Variants in IL27RA observed in about 807,000 individuals in gnomAD.
The protein encoded by IL27RA is interleukin 27 receptor subunit alpha.
IL27RA carries 61 observed loss-of-function variants against 80.8 expected under a neutral mutation model. The ratio of observed to expected loss-of-function variants is 0.76; its 90% CI spans 0.61 to 0.93. The LOEUF (loss-of-function observed/expected upper bound fraction) is 0.93, where lower values mean the gene tolerates loss of function less well. Ranked by LOEUF, IL27RA falls within the 40% of genes least tolerant of loss-of-function variation. IL27RA has a pLI of 0.00. For missense variants in IL27RA, 735 were observed against 808.1 expected, an observed-to-expected ratio of 0.91 and a Z score of 1.10; for synonymous variants, 316 against 332.5, an observed-to-expected ratio of 0.95 and a Z score of 0.54.
chr19:14,051,849 TCTGCTGCC>T, intron 12 of IL27RA, 23 bp from the exon 13 acceptor site: 1 of 1,540,568 alleles, frequency 6.5e-7, no homozygotes, highest in Non-Finnish European at 8.9e-7. Flanking sequence ...GCCATCTGGA[TCTGCTGCC>T]CTGACTACTC....
intron 1 of IL27RA, 139 bp from the exon 2 acceptor site, chr19:14,032,247 T>A: frequency 1.3e-6 from 1 of 741,684 alleles, no homozygotes; most frequent in East Asian, 2.5e-5. Context: ...CGGGCAGGGG[T>A]GCCTAGCGCC....
Position 14,046,560 on chromosome 19 carries a change from C to G in IL27RA, c.1083C>G (p.Pro361=), listed in dbSNP as rs767572269. The G allele has an allele frequency of 3.7e-6, 6 of 1,613,668 alleles. No individual in the cohort carries two copies. The South Asian group carries it at 6.6e-5, about 18-fold the overall frequency. The change falls in exon 8 of 14, where the codon CCC becomes CCG. Residue 361 remains proline, a synonymous_variant. Coordinates refer to ENST00000263379, the MANE Select transcript of IL27RA (RefSeq NM_004843.4). ...HVVDWARDGD[P]LEKLNWVRLP... ...TGGACTGGGCTCGAGATGGGGACCC[C>G]CTGGAGAAACTCAACTGGGTCCGGC...
intron 10 of IL27RA, among the ~76,000 whole-genome samples, chr19:14,049,594 T>C (rs1976128048): frequency 6.6e-6 from 1 of 151,700 alleles, no homozygotes; most frequent in Admixed American, 6.6e-5. Flanking sequence ...TTTTTTTTTT[T>C]TTTTTTGAGA....
At position 14,052,297 on chromosome 19, in the gene IL27RA, C is replaced by CA. The variant is rs780830122; in HGVS notation, c.*7_*8insA. On this transcript the variant is annotated 3_prime_UTR_variant, in exon 14 of 14. Coordinates refer to ENST00000263379, the MANE Select transcript of IL27RA (RefSeq NM_004843.4). ...GCCACAGGTTCTGGCCTGAACCACA[C>CA]GTCTGGCTGGGGGCTGCCAGCCAGG... The CA allele has an allele frequency of 6.8e-7, 1 of 1,479,004 alleles. No individual in the cohort carries two copies. Among genetic ancestry groups the CA allele is most frequent in the Non-Finnish European group, 9.0e-7 (1 of 1,115,294 alleles). 91.6% of individuals were successfully genotyped at this position (1,479,004 alleles called of 1,614,324 possible).
intron 4 of IL27RA, among the ~76,000 whole-genome samples, chr19:14,040,397 TC>T (rs1975972792): frequency 6.7e-6 from 1 of 149,968 alleles, no homozygotes; most frequent in African/African-American, 2.5e-5. Flanking sequence ...GCCAAAATAA[TC>T]TATCACCCGG....
chr19:14,040,384 C>T (rs1369444657), intron 4 of IL27RA, among the ~76,000 whole-genome samples: 2 of 150,296 alleles, frequency 1.3e-5, no homozygotes, highest in Non-Finnish European at 1.5e-5. Flanking sequence ...TTTTTTTTCT[C>T]CTGCCAAAAT....
intron 2 of IL27RA, among the ~76,000 whole-genome samples, chr19:14,032,805 C>CAAAAAAAAAAAAAAA (rs60328140): frequency 4.9e-5 from 3 of 60,774 alleles, no homozygotes; most frequent in Non-Finnish European, 9.6e-5. Context: ...GACTCTGTCT[C>CAAAAAAAAAAAAAAA]AAAAAAAAAA....
intron 11 of IL27RA, 130 bp from the exon 12 acceptor site, chr19:14,051,477 G>A (rs891268950): frequency 5.0e-5 from 20 of 400,476 alleles, no homozygotes; most frequent in African/African-American, 4.1e-4. Context: ...AGGAGGCGGA[G>A]GTTGCAGTGA....
Position 14,051,474 on chromosome 19 carries a change from G to A in IL27RA, c.1529-133G>A, listed in dbSNP as rs147786506. Reference sequence around the variant, plus strand: ...AGAGAATTGCTTGAACCCAGGAGGCGGAGGTTGCAGTGAGCTGAGGTCGCA... The same window carrying A: ...AGAGAATTGCTTGAACCCAGGAGGCAGAGGTTGCAGTGAGCTGAGGTCGCA... On this transcript the variant is annotated intron_variant, in intron 11 of 13. Transcript: ENST00000263379. 3.1e-3 allele frequency: 1,192 copies of A among 388,502 alleles called. 16 individuals carry two copies. Among genetic ancestry groups the A allele is most frequent in the African/African-American group, 0.022 (1,065 of 47,916 alleles). 24.1% of individuals were successfully genotyped at this position (388,502 alleles called of 1,614,324 possible). A position where few individuals can be genotyped will look rare whatever the true frequency, so the allele number is the denominator to read the frequency against.
rs2306191 is a variant in IL27RA at position 14,032,339 on chromosome 19, G to T, written c.101-47G>T. On this transcript the variant is annotated intron_variant, in intron 1 of 13. Transcript: ENST00000263379. ...AAGTTCTGGGGTGTGCAGGCGGAAG[G>T]GGGGGATTCGACCCCCTTTCCTGAG... The T allele has an allele frequency of 4.3e-6, 6 of 1,403,152 alleles. No individual in the cohort carries two copies. In the South Asian group the frequency reaches 4.7e-5, roughly 11 times the overall value. 86.9% of individuals were successfully genotyped at this position (1,403,152 alleles called of 1,614,324 possible).
chr19:14,051,747 C>A, intron 12 of IL27RA, 47 bp downstream of exon 12: 1 of 1,497,506 alleles, frequency 6.7e-7, no homozygotes, highest in Non-Finnish European at 9.2e-7. Flanking sequence ...GGGAAGGCAG[C>A]TGGGCATTTT....
intron 2 of IL27RA, among the ~76,000 whole-genome samples, chr19:14,032,822 A>AAAAAGAAAAG (rs1317909973): frequency 8.6e-6 from 1 of 116,138 alleles, no homozygotes; most frequent in Non-Finnish European, 1.9e-5. Context: ...AAAAAAAAAA[A>AAAAAGAAAAG]AAAAGAAAAG....
At position 14,052,351 on chromosome 19, in the gene IL27RA, C is replaced by G. The variant is rs1187741649; in HGVS notation, c.*61C>G. 1 of 1,324,752 alleles carries G rather than the reference C, an allele frequency of 7.5e-7. No homozygotes were observed. Among genetic ancestry groups the G allele is most frequent in the Admixed American group, 3.0e-5 (1 of 33,770 alleles). The allele number at this position is 1,324,752 out of a possible 1,614,324, so 82.1% of individuals were successfully genotyped here. On this transcript the variant is annotated 3_prime_UTR_variant, in exon 14 of 14. Coordinates refer to ENST00000263379, the MANE Select transcript of IL27RA (RefSeq NM_004843.4). Reference sequence around the variant, plus strand: ...GAGGGATGCTCATGCAGGTTGCACCCCAGTCCTGGATTAGCCCTCTTGATG... The same window carrying G: ...GAGGGATGCTCATGCAGGTTGCACCGCAGTCCTGGATTAGCCCTCTTGATG...
At position 14,049,065 on chromosome 19, in the gene IL27RA, G is replaced by A; in HGVS notation, c.1226G>A (p.Gly409Glu). 2.5e-6 allele frequency: 4 copies of A among 1,613,578 alleles called. No individual in the cohort carries two copies. Among genetic ancestry groups the A allele is most frequent in the Non-Finnish European group, 2.5e-6 (3 of 1,179,786 alleles). The change falls in exon 9 of 14, where the codon GGG (glycine) becomes GAG (glutamate). Residue 409 changes from glycine (G) to glutamate (E), a missense_variant. By Grantham distance (98) the Gly-to-Glu change is moderately conservative. Coordinates refer to ENST00000263379, the MANE Select transcript of IL27RA (RefSeq NM_004843.4). ...TTGGCCTCTGCATCCTCCGTCTGGG[G>A]GTTCAGGGAGGAATTAGGTAAGAGT... is the stretch of plus-strand genomic sequence containing the variant. ...SGLASASSVW[G>E]FREELAPLVG...
chr19:14,048,704 CCT>C (rs1976108518), intron 8 of IL27RA, among the ~76,000 whole-genome samples: 1 of 152,174 alleles, frequency 6.6e-6, no homozygotes, highest in African/African-American at 2.4e-5. Flanking sequence ...GCTCCGTCCC[CCT>C]GAGCTGGGCT....
chr19:14,040,775 G>A (rs1337025654), intron 4 of IL27RA, among the ~76,000 whole-genome samples: 1 of 151,322 alleles, frequency 6.6e-6, no homozygotes, highest in Non-Finnish European at 1.5e-5. Flanking sequence ...AGTGAGCTGA[G>A]ATCGTGCCAC....
intron 2 of IL27RA, among the ~76,000 whole-genome samples, chr19:14,033,716 C>T (rs1975855618): frequency 1.3e-5 from 2 of 151,182 alleles, no homozygotes; most frequent in African/African-American, 4.9e-5. Flanking sequence ...CCTATAATCT[C>T]AGCACTTTGG....
At chr19:14,050,671 G>A in intron 10 of IL27RA, 87 bp from the exon 11 acceptor site, 1 of 1,395,162 alleles carries the variant, frequency 7.2e-7, no homozygotes, top group African/African-American at 1.4e-5. Flanking sequence ...ACCTGGGAGA[G>A]AGTGTTGCAG....
rs1266878839 is a variant in IL27RA, at chr19:14,046,156, C to G, written c.771C>G (p.Ala257=). The G allele has an allele frequency of 8.1e-6, 13 of 1,613,554 alleles. No individual in the cohort carries two copies. The highest frequency in any genetic ancestry group is 1.1e-5 in the Non-Finnish European group (13 of 1,179,754). The part of the protein sequence containing the change: ...GGEEPLLLWK[A]PGPCVQVSYK... Reference sequence around the variant, plus strand: ...CCCTTTTTCCCTTCATCTCTCAGGCCCCAGGGCCCTGTGTGCAGGTGAGCT... The same window carrying G: ...CCCTTTTTCCCTTCATCTCTCAGGCGCCAGGGCCCTGTGTGCAGGTGAGCT... The change falls in exon 7 of 14, where the codon GCC becomes GCG. Residue 257 remains alanine (A), a splice_region_variant and synonymous_variant. Transcript: ENST00000263379.
Sources: gnomAD v4.1 joint callset for allele counts (sites outside exome capture counted in the v4.1 genomes callset) on GRCh38, gnomAD v4.1.1 for gene constraint, MANE v1.5 for transcripts, NCBI Gene and HGNC (gene_info 2026-07-23, HGNC 2026-07-21) for gene names.